The following INPP5A variants were observed in gnomAD, a reference collection of about 807,000 sequenced individuals.
INPP5A encodes 43 kDa inositol polyphosphate 5-phophatase.
A neutral mutation model predicts 65.2 loss-of-function variants in INPP5A; 14 were observed. That is an observed-to-expected ratio of 0.21 (90% CI 0.14 to 0.34). The LOEUF (loss-of-function observed/expected upper bound fraction) is 0.34, where lower values mean the gene tolerates loss of function less well. Among genes scored for constraint, INPP5A ranks in the 10% least tolerant of loss-of-function variants. The pLI, the probability that INPP5A is intolerant of heterozygous loss-of-function variation, is 1.00. For missense variants in INPP5A, 431 were observed against 545.6 expected, an observed-to-expected ratio of 0.79 and a Z score of 2.09; for synonymous variants, 207 against 208.3, an observed-to-expected ratio of 0.99 and a Z score of 0.05.
intron 9 of INPP5A, among the ~76,000 whole-genome samples, chr10:132,736,964 G>A (rs1358627862): frequency 6.6e-6 from 1 of 152,244 alleles, no homozygotes; most frequent in Non-Finnish European, 1.5e-5. Flanking sequence ...GGCGCCGTGA[G>A]GCTGTGGGCA....
chr10:132,745,096 C>T lies in INPP5A; in HGVS notation c.733-4421C>T, dbSNP rs188638141. Reference sequence around the variant, plus strand: ...TGCCTCTGCTCCAGGCGAGCTTGGGCGGTTCTGGGAGGGCCTGGGGACACA... The same window carrying T: ...TGCCTCTGCTCCAGGCGAGCTTGGGTGGTTCTGGGAGGGCCTGGGGACACA... On this transcript the variant is annotated intron_variant, in intron 9 of 15. Transcript: ENST00000368594. Among the ~76,000 whole-genome samples, 172 of 152,272 alleles carry T rather than the reference C, an allele frequency of 1.1e-3. 1 individual carries two copies. The highest frequency in any genetic ancestry group is 4.0e-3 in the African/African-American group (165 of 41,564).
chr10:132,758,556 T>C (rs1590991590), intron 11 of INPP5A, among the ~76,000 whole-genome samples: 1 of 146,162 alleles, frequency 6.8e-6, no homozygotes, highest in Admixed American at 6.8e-5. Context: ...CAGCTGACCC[T>C]ATGGGCCAGT....
At chr10:132,654,023 G>A (rs2072616807) in intron 4 of INPP5A, among the ~76,000 whole-genome samples, 1 of 152,254 alleles carries the variant, frequency 6.6e-6, no homozygotes, top group South Asian at 2.1e-4. Context: ...CCAGGGTGCG[G>A]GGCACCAGGG....
intron 2 of INPP5A, among the ~76,000 whole-genome samples, chr10:132,641,391 G>T (rs1322332646): frequency 6.6e-6 from 1 of 152,206 alleles, no homozygotes; most frequent in African/African-American, 2.4e-5. Context: ...CTCCTAGATG[G>T]AGTTTATAAT....
intron 2 of INPP5A, among the ~76,000 whole-genome samples, chr10:132,632,458 C>T (rs1375075818): frequency 1.3e-5 from 2 of 152,216 alleles, no homozygotes; most frequent in African/African-American, 4.8e-5. Context: ...GCATTGTTGA[C>T]ACCTCACAGC....
chr10:132,705,563 C>A lies in INPP5A; in HGVS notation c.475-2750C>A, dbSNP rs975079641. 6.6e-6 allele frequency among the ~76,000 whole-genome samples: 1 copy of A among 152,192 alleles called. No individual in the cohort carries two copies. ...CTGGCGTCCAAGTGCGTGGCCAGGC[C>A]GGGAGGAGTGTACAGGAAGTCTCTG... On this transcript the variant is annotated intron_variant, in intron 6 of 15. Coordinates refer to ENST00000368594, the MANE Select transcript of INPP5A (RefSeq NM_005539.5). The surrounding 1 kb of genome is among the most constrained non-coding windows in gnomAD (Gnocchi z 4.9).
rs1195811070 is a variant in INPP5A, at chr10:132,675,731, A to C, written c.307-14661A>C. Reference sequence around the variant, plus strand: ...ACCGGGAACTAAGGTAAATTATTTGAAACAGAAGTAGATGGCAATTTCCTA... The same window carrying C: ...ACCGGGAACTAAGGTAAATTATTTGCAACAGAAGTAGATGGCAATTTCCTA... On this transcript the variant is annotated intron_variant, in intron 4 of 15. Coordinates refer to ENST00000368594, the MANE Select transcript of INPP5A (RefSeq NM_005539.5). This position sits in a 1 kb window ranked among gnomAD's most constrained non-coding sequence, Gnocchi z 4.2. Among the ~76,000 whole-genome samples, 1 of 152,216 alleles carries C rather than the reference A, an allele frequency of 6.6e-6. No homozygotes were observed. The highest frequency in any genetic ancestry group is 2.4e-5 in the African/African-American group (1 of 41,444).
At position 132,541,262 on chromosome 10, in the gene INPP5A, G is replaced by C. The variant is rs1000061069; in HGVS notation, c.75+3091G>C. ...CAAAGTGCTGGGATTACAGGTGTGA[G>C]CCACTGTCCCTGGTCCAGAGGTCAC... On this transcript the variant is annotated intron_variant, in intron 1 of 15. Coordinates refer to ENST00000368594, the MANE Select transcript of INPP5A (RefSeq NM_005539.5). Among the ~76,000 whole-genome samples, 4 of 152,206 alleles carry C rather than the reference G, an allele frequency of 2.6e-5. No individual in the cohort carries two copies. The South Asian group carries it at 8.3e-4, about 31-fold the overall frequency.
rs998122497 is a variant in INPP5A, at chr10:132,637,605, T to C, written c.118-8263T>C. Among the ~76,000 whole-genome samples the C allele has an allele frequency of 2.0e-5, 3 of 152,152 alleles. No homozygotes were observed. Among genetic ancestry groups the C allele is most frequent in the African/African-American group, 7.2e-5 (3 of 41,446 alleles). On this transcript the variant is annotated intron_variant, in intron 2 of 15. Coordinates refer to ENST00000368594, the MANE Select transcript of INPP5A (RefSeq NM_005539.5). The surrounding 1 kb of genome is among the most constrained non-coding windows in gnomAD (Gnocchi z 4.1). Reference sequence around the variant, plus strand: ...TGGATTTTTCTGGTTTTGATGCCCATGTTGGGGTTTCCTTCCAGTGACTCT... The same window carrying C: ...TGGATTTTTCTGGTTTTGATGCCCACGTTGGGGTTTCCTTCCAGTGACTCT...
chr10:132,577,788 C>CCTGGTCA (rs2071428014), intron 1 of INPP5A, among the ~76,000 whole-genome samples: 1 of 152,200 alleles, frequency 6.6e-6, no homozygotes, highest in African/African-American at 2.4e-5. Context: ...AGTGACCTCT[C>CCTGGTCA]CTGGTCACTG....
chr10:132,764,904 GTCGGGCCAGTC>G (rs1846812545), intron 11 of INPP5A, among the ~76,000 whole-genome samples: 1 of 136,958 alleles, frequency 7.3e-6, no homozygotes, highest in African/African-American at 2.8e-5. Context: ...CAGGAACACG[GTCGGGCCAGTC>G]CTGCAGGGGT....
In INPP5A at chr10:132,708,725, G is replaced by A. The variant is rs2105137; in HGVS notation, c.527+360G>A. Among the ~76,000 whole-genome samples, 706 of 152,364 alleles carry A rather than the reference G, an allele frequency of 4.6e-3. 2 individuals carry two copies. Among genetic ancestry groups the A allele is most frequent in the Middle Eastern group, 0.017 (5 of 294 alleles). ...GTGGCTGCCCAGTGAGACGGCGTAA[G>A]CGCTGCCTGGCAGCCTGGTCCATCA... On this transcript the variant is annotated intron_variant, in intron 7 of 15. Coordinates refer to ENST00000368594, the MANE Select transcript of INPP5A (RefSeq NM_005539.5).
At chr10:132,761,444 G>A (rs1187233585) in intron 11 of INPP5A, among the ~76,000 whole-genome samples, 1 of 152,184 alleles carries the variant, frequency 6.6e-6, no homozygotes, top group Admixed American at 6.5e-5. Context: ...GAGCTCTGGG[G>A]GTGGCAGGGG....
intron 9 of INPP5A, among the ~76,000 whole-genome samples, chr10:132,746,999 A>G (rs980182478): frequency 1.4e-4 from 22 of 152,200 alleles, no homozygotes; most frequent in African/African-American, 4.8e-4. Flanking sequence ...TCTGGGGTCC[A>G]TCAGATGTTT....
intron 9 of INPP5A, among the ~76,000 whole-genome samples, chr10:132,742,967 G>A (rs187036314): frequency 1.9e-3 from 283 of 152,338 alleles, no homozygotes; most frequent in Admixed American, 7.2e-3. Context: ...GCCGGCCTGC[G>A]CCTGCCCCGC....
At chr10:132,774,065 C>G (rs967561777) in intron 12 of INPP5A, among the ~76,000 whole-genome samples, 1 of 152,356 alleles carries the variant, frequency 6.6e-6, no homozygotes, top group Admixed American at 6.5e-5. Context: ...CCCAGCCCCC[C>G]AGACCCTCTT....
intron 9 of INPP5A, among the ~76,000 whole-genome samples, chr10:132,742,959 C>T (rs575135015): frequency 3.7e-4 from 56 of 152,334 alleles, no homozygotes; most frequent in East Asian, 2.5e-3. Flanking sequence ...TCGACCCAGC[C>T]GGCCTGCGCC....
chr10:132,710,306 G>C, intron 7 of INPP5A, 31 bp from the exon 8 acceptor site: 1 of 1,610,490 alleles, frequency 6.2e-7, no homozygotes, highest in Non-Finnish European at 8.5e-7. Context: ...TCCGGCCCTT[G>C]GTGACGTGTC....
chr10:132,733,554 T>A (rs896191876), intron 9 of INPP5A, among the ~76,000 whole-genome samples: 21 of 152,204 alleles, frequency 1.4e-4, no homozygotes, highest in African/African-American at 5.1e-4. Context: ...GCATGGTTTT[T>A]AAAAAAGGTT....
Sources: allele counts gnomAD v4.1 joint callset (sites outside exome capture counted in the v4.1 genomes callset), GRCh38; gene constraint gnomAD v4.1.1; non-coding constraint Gnocchi (gnomAD v3.1); transcripts MANE v1.5; gene names NCBI Gene and HGNC (gene_info 2026-07-23, HGNC 2026-07-21).